The following FAM178B variants were observed in gnomAD, a reference collection of about 807,000 sequenced individuals.
The protein encoded by FAM178B is protein FAM178B.
Under a neutral mutation model 91.7 loss-of-function variants are expected in FAM178B, and 82 were observed. The ratio of observed to expected loss-of-function variants is 0.89; its 90% CI spans 0.75 to 1.07. FAM178B has a LOEUF of 1.07. Among genes scored for constraint, FAM178B ranks in the 50% least tolerant of loss-of-function variants. The pLI is 0.00. For missense variants in FAM178B, 769 were observed against 846.7 expected (o/e 0.91, Z 1.14); for synonymous variants, 368 against 359.4 (o/e 1.02, Z -0.27).
At position 96,876,188 on chromosome 2, in the gene FAM178B, G is replaced by A; in HGVS notation, c.*88C>T. 7.1e-7 allele frequency: 1 copy of A among 1,405,014 alleles called. No individual in the cohort carries two copies. Among genetic ancestry groups the A allele is most frequent in the Non-Finnish European group, 9.9e-7 (1 of 1,013,156 alleles). The allele number at this position is 1,405,014 out of a possible 1,614,324, so 87.0% of individuals were successfully genotyped here. On this transcript the variant is annotated 3_prime_UTR_variant, in exon 17 of 17. Coordinates refer to ENST00000490605, the MANE Select transcript of FAM178B (RefSeq NM_001122646.3). ...GGCTGGTCAGCATGTGGCCTCCTCT[G>A]GCCTTGATGCTTCGCTTCCTCCAGT...
chr2:96,943,013 A>T (rs1406945750), intron 8 of FAM178B, among the ~76,000 whole-genome samples: 1 of 152,144 alleles, frequency 6.6e-6, no homozygotes, highest in Non-Finnish European at 1.5e-5. Flanking sequence ...TGGATCAAAG[A>T]CCTAAATTTA....
intron 14 of FAM178B, among the ~76,000 whole-genome samples, chr2:96,885,908 C>A (rs976712209): frequency 6.6e-6 from 1 of 152,170 alleles, no homozygotes; most frequent in Non-Finnish European, 1.5e-5. Context: ...TGTCAGTGTG[C>A]GTGTGAGCGT....
intron 8 of FAM178B, among the ~76,000 whole-genome samples, chr2:96,945,502 T>G (rs142703189): frequency 1.3e-5 from 2 of 152,058 alleles, no homozygotes; most frequent in Non-Finnish European, 2.9e-5. Context: ...CAAACAAATC[T>G]CCTGTTTACA....
intron 5 of FAM178B, among the ~76,000 whole-genome samples, chr2:96,961,873 G>A (rs879448563): frequency 1.3e-4 from 20 of 152,170 alleles, no homozygotes; most frequent in Non-Finnish European, 2.2e-4. Flanking sequence ...CTGCAGACCC[G>A]GGAGGACTCT....
At chr2:96,955,994 T>A (rs370112274) in intron 6 of FAM178B, among the ~76,000 whole-genome samples, 1 of 152,186 alleles carries the variant, frequency 6.6e-6, no homozygotes, top group African/African-American at 2.4e-5. Flanking sequence ...GCCTGGCCCA[T>A]GCATCGGGCT....
At chr2:96,903,446 G>T (rs2080973011) in intron 12 of FAM178B, among the ~76,000 whole-genome samples, 1 of 152,150 alleles carries the variant, frequency 6.6e-6, no homozygotes, top group African/African-American at 2.4e-5. Flanking sequence ...AAACTTCATG[G>T]TTTTCTTTTC....
At chr2:96,967,909 G>GTTTTTTTTTTTTTT (rs1318481195) in intron 4 of FAM178B, among the ~76,000 whole-genome samples, 1 of 40,228 alleles carries the variant, frequency 2.5e-5, no homozygotes, top group Non-Finnish European at 1.0e-4. Context: ...ACCCTGTTTG[G>GTTTTTTTTTTTTTT]TCTTTTTTTT....
At chr2:96,915,131 A>G (rs2081221144) in intron 12 of FAM178B, among the ~76,000 whole-genome samples, 1 of 149,228 alleles carries the variant, frequency 6.7e-6, no homozygotes, top group Non-Finnish European at 1.5e-5. Flanking sequence ...TTTTTTTGAG[A>G]CGAAGTCTCA....
At chr2:96,889,940 A>C (rs1262429250) in intron 14 of FAM178B, among the ~76,000 whole-genome samples, 6 of 148,846 alleles carry the variant, frequency 4.0e-5, no homozygotes, top group African/African-American at 1.5e-4. Flanking sequence ...GGAGTTTGTG[A>C]CCAGCCTGGG....
intron 14 of FAM178B, among the ~76,000 whole-genome samples, chr2:96,892,926 G>T (rs2080717724): frequency 6.6e-6 from 1 of 152,188 alleles, no homozygotes; most frequent in Non-Finnish European, 1.5e-5. Context: ...CGCTCTCCTG[G>T]GAGGCAGCAG....
At chr2:96,880,115 C>G (rs1304406454) in intron 14 of FAM178B, among the ~76,000 whole-genome samples, 7 of 152,266 alleles carry the variant, frequency 4.6e-5, no homozygotes, top group African/African-American at 1.7e-4. Flanking sequence ...TAACATACCT[C>G]TGCTTCTGCA....
chr2:96,960,560 G>T, intron 5 of FAM178B, 120 bp from the exon 6 acceptor site: 1 of 1,193,956 alleles, frequency 8.4e-7, no homozygotes, highest in South Asian at 1.6e-5. Flanking sequence ...CAGTCCTTGC[G>T]GCAAACCAAG....
chr2:96,903,459 C>T (rs1297960859), intron 12 of FAM178B, among the ~76,000 whole-genome samples: 1 of 152,324 alleles, frequency 6.6e-6, no homozygotes, highest in East Asian at 1.9e-4. Flanking sequence ...TTCTTTTCAC[C>T]CAGTATCCAC....
At chr2:96,980,700 C>A (rs1441210240) in intron 1 of FAM178B, among the ~76,000 whole-genome samples, 1 of 152,244 alleles carries the variant, frequency 6.6e-6, no homozygotes, top group East Asian at 1.9e-4. Flanking sequence ...ACCGAGCCAG[C>A]CTCCTTGCAT....
At chr2:96,938,608 C>T (rs1366133159) in intron 8 of FAM178B, among the ~76,000 whole-genome samples, 1 of 152,220 alleles carries the variant, frequency 6.6e-6, no homozygotes, top group East Asian at 1.9e-4. Context: ...TCTGGAGACC[C>T]ACCCACTCAT....
At chr2:96,961,340 T>TGTAC (rs1553508271) in intron 5 of FAM178B, among the ~76,000 whole-genome samples, 18 of 147,586 alleles carry the variant, frequency 1.2e-4, no homozygotes, top group Admixed American at 5.4e-4. Flanking sequence ...TGTGTGTGTG[T>TGTAC]ACACACACAC....
intron 1 of FAM178B, among the ~76,000 whole-genome samples, chr2:96,983,373 A>G (rs2082386242): frequency 6.6e-6 from 1 of 152,120 alleles, no homozygotes; most frequent in Non-Finnish European, 1.5e-5. Flanking sequence ...AGGTTATACT[A>G]CTCTGCCTCT....
At chr2:96,938,440 C>A (rs2081668277) in intron 8 of FAM178B, among the ~76,000 whole-genome samples, 1 of 152,176 alleles carries the variant, frequency 6.6e-6, no homozygotes, top group South Asian at 2.1e-4. Context: ...AGCATGCATG[C>A]CTGCCCCCAC....
chr2:96,890,711 C>G (rs1174906810), intron 14 of FAM178B, among the ~76,000 whole-genome samples: 1 of 152,138 alleles, frequency 6.6e-6, no homozygotes, highest in Non-Finnish European at 1.5e-5. Flanking sequence ...CCCTTGATTG[C>G]CTGGGAAGGC....
Sources: allele counts gnomAD v4.1 joint callset (sites outside exome capture counted in the v4.1 genomes callset), GRCh38; gene constraint gnomAD v4.1.1; transcripts MANE v1.5; gene names NCBI Gene and HGNC (gene_info 2026-07-23, HGNC 2026-07-21).